WSCD2: variants seen among roughly 807,000 people sequenced by gnomAD.
WSCD2 encodes the protein sialate:O-sulfotransferase 2.
A neutral mutation model predicts 55.7 loss-of-function variants in WSCD2; 28 were observed. The observed-to-expected ratio is 0.50, with a 90% CI of 0.37 to 0.69. The LOEUF (loss-of-function observed/expected upper bound fraction) is 0.69. Ranked by LOEUF, WSCD2 falls within the 30% of genes least tolerant of loss-of-function variation. The pLI is 0.00. For missense variants in WSCD2, 616 were observed against 762.1 expected (o/e 0.81, Z 2.26); for synonymous variants, 301 against 301.9 (o/e 1.00, Z 0.03).
chr12:108,200,489 T>TTTCA (rs56726087), intron 2 of WSCD2, among the ~76,000 whole-genome samples: 26,768 of 151,972 alleles, frequency 0.18, 2,415 homozygotes, highest in South Asian at 0.19. Flanking sequence ...TCATTTATTC[T>TTTCA]TTCATTCATT....
intron 1 of WSCD2, among the ~76,000 whole-genome samples, chr12:108,166,761 TTTTCTTTCTTTC>T (rs1555225180): frequency 8.0e-6 from 1 of 124,820 alleles, no homozygotes; most frequent in African/African-American, 3.1e-5. Flanking sequence ...TCTTTCTTTC[TTTTCTTTCTTTC>T]TTTCTTTCTT....
intron 1 of WSCD2, among the ~76,000 whole-genome samples, chr12:108,144,042 G>A (rs925228460): frequency 3.9e-5 from 6 of 152,100 alleles, no homozygotes; most frequent in Non-Finnish European, 7.4e-5. Flanking sequence ...GCCTGCCCAG[G>A]ATGGTCCACA....
chr12:108,164,339 T>C (rs1306120833), intron 1 of WSCD2, among the ~76,000 whole-genome samples: 1 of 152,002 alleles, frequency 6.6e-6, no homozygotes, highest in Admixed American at 6.6e-5. Flanking sequence ...TTGATACCCC[T>C]GTCACCAGAG....
intron 6 of WSCD2, among the ~76,000 whole-genome samples, chr12:108,229,014 G>C (rs1888440891): frequency 6.6e-6 from 1 of 152,208 alleles, no homozygotes; most frequent in Non-Finnish European, 1.5e-5. Flanking sequence ...ACAGACACTG[G>C]AGCCTTTTCA....
intron 1 of WSCD2, among the ~76,000 whole-genome samples, chr12:108,163,605 G>T (rs79919054): frequency 6.6e-6 from 1 of 152,098 alleles, no homozygotes; most frequent in African/African-American, 2.4e-5. Flanking sequence ...CACTGTCATC[G>T]CAAGGATCTT....
At position 108,248,634 on chromosome 12, in the gene WSCD2, C is replaced by A; in HGVS notation, c.*291C>A. 8.8e-7 allele frequency: 1 copy of A among 1,139,630 alleles called. No individual in the cohort carries two copies. 70.6% of individuals were successfully genotyped at this position (1,139,630 alleles called of 1,614,324 possible). ...CTGTCTCCTGGGTCCCTGCCCCCACCACTCTGGGTTCCATTTGTGGGAGGG... is the reference window on the plus strand; with the variant it reads ...CTGTCTCCTGGGTCCCTGCCCCCACAACTCTGGGTTCCATTTGTGGGAGGG... On this transcript the variant is annotated 3_prime_UTR_variant, in exon 9 of 9. Coordinates refer to ENST00000547525, the MANE Select transcript of WSCD2 (RefSeq NM_014653.4). The surrounding 1 kb of genome is among the most constrained non-coding windows in gnomAD (Gnocchi z 4.3).
intron 2 of WSCD2, among the ~76,000 whole-genome samples, chr12:108,198,091 T>A (rs1042996124): frequency 2.0e-4 from 31 of 151,780 alleles, no homozygotes; most frequent in Admixed American, 1.8e-3. Flanking sequence ...GACTCTATTT[T>A]CATCATAACA....
intron 1 of WSCD2, among the ~76,000 whole-genome samples, chr12:108,164,139 C>CTTT (rs1555224800): frequency 7.0e-5 from 6 of 85,296 alleles, no homozygotes; most frequent in African/African-American, 1.9e-4. Context: ...ATCTTAAATC[C>CTTT]TTTTTTTTTT....
intron 1 of WSCD2, among the ~76,000 whole-genome samples, chr12:108,162,238 C>T (rs1196828752): frequency 6.6e-6 from 1 of 152,204 alleles, no homozygotes; most frequent in Non-Finnish European, 1.5e-5. Context: ...TCATTTCCTC[C>T]TTTGGGCTTC....
At chr12:108,188,808 T>C (rs1481655983) in intron 1 of WSCD2, among the ~76,000 whole-genome samples, 1 of 152,204 alleles carries the variant, frequency 6.6e-6, no homozygotes, top group Non-Finnish European at 1.5e-5. Flanking sequence ...ATAGCTGCCT[T>C]GCTGGTCTGC....
chr12:108,160,005 C>G (rs1878902743), intron 1 of WSCD2, among the ~76,000 whole-genome samples: 1 of 152,168 alleles, frequency 6.6e-6, no homozygotes, highest in African/African-American at 2.4e-5. Flanking sequence ...AGATATTAGA[C>G]ACGGTATGAT....
At chr12:108,163,933 T>A (rs758738460) in intron 1 of WSCD2, among the ~76,000 whole-genome samples, 1 of 152,004 alleles carries the variant, frequency 6.6e-6, no homozygotes, top group Non-Finnish European at 1.5e-5. Flanking sequence ...ATAAAAAAAA[T>A]TAAGGAAAGA....
intron 1 of WSCD2, among the ~76,000 whole-genome samples, chr12:108,158,770 C>T (rs186660886): frequency 8.5e-5 from 13 of 152,218 alleles, no homozygotes; most frequent in Admixed American, 7.9e-4. Flanking sequence ...TCAAGTCCTC[C>T]CTCTCCCTCA....
chr12:108,180,882 T>A (rs148328040), intron 1 of WSCD2, among the ~76,000 whole-genome samples: 1 of 152,364 alleles, frequency 6.6e-6, no homozygotes, highest in African/African-American at 2.4e-5. Flanking sequence ...GTGTGGGTCC[T>A]GTGGGACCAC....
chr12:108,175,642 GC>G (rs1393457504), intron 1 of WSCD2, among the ~76,000 whole-genome samples: 4 of 152,172 alleles, frequency 2.6e-5, no homozygotes, highest in African/African-American at 9.7e-5. Context: ...GGGATGAGGG[GC>G]GTGTGGGAAC....
intron 8 of WSCD2, among the ~76,000 whole-genome samples, chr12:108,245,265 T>C (rs990419129): frequency 2.0e-5 from 3 of 152,160 alleles, no homozygotes; most frequent in East Asian, 3.9e-4. Flanking sequence ...TCCTTTTCCC[T>C]GTGTCTAAAA....
intron 7 of WSCD2, among the ~76,000 whole-genome samples, chr12:108,236,639 G>C (rs1889292176): frequency 6.6e-6 from 1 of 151,520 alleles, no homozygotes; most frequent in Non-Finnish European, 1.5e-5. Flanking sequence ...CCTCTGCCCA[G>C]TATGTGCCTC....
intron 1 of WSCD2, among the ~76,000 whole-genome samples, chr12:108,157,291 G>A (rs1480964192): frequency 6.6e-6 from 1 of 152,122 alleles, no homozygotes; most frequent in Non-Finnish European, 1.5e-5. Context: ...TCTTAGTGAG[G>A]GTCATTTGGC....
chr12:108,223,868 G>T (rs1887795157), intron 4 of WSCD2, among the ~76,000 whole-genome samples: 1 of 152,186 alleles, frequency 6.6e-6, no homozygotes, highest in Admixed American at 6.5e-5. Context: ...CAACTCTGTA[G>T]TGCAATTTCT....
Sources: gnomAD v4.1 joint callset for allele counts (sites outside exome capture counted in the v4.1 genomes callset) on GRCh38, gnomAD v4.1.1 for gene constraint, Gnocchi (gnomAD v3.1) non-coding constraint, MANE v1.5 for transcripts, NCBI Gene and HGNC (gene_info 2026-07-23, HGNC 2026-07-21) for gene names.